Variants in MAP2K4 observed in about 807,000 individuals in gnomAD.
MAP2K4 encodes mitogen-activated protein kinase kinase 4.
A neutral mutation model predicts 48.5 loss-of-function variants in MAP2K4; 4 were observed. That is an observed-to-expected ratio of 0.08 (90% CI 0.04 to 0.19). The LOEUF (loss-of-function observed/expected upper bound fraction) is 0.19, where lower values mean the gene tolerates loss of function less well. Among genes scored for constraint, MAP2K4 ranks in the 10% least tolerant of loss-of-function variants. The pLI, the probability that MAP2K4 is intolerant of heterozygous loss-of-function variation, is 1.00. For missense variants in MAP2K4, 258 were observed against 493.3 expected (o/e 0.52, Z 4.52); for synonymous variants, 166 against 173.1 (o/e 0.96, Z 0.32).
chr17:12,032,273 G>A, intron 1 of MAP2K4: 1 of 1,418,556 alleles, frequency 7.0e-7, no homozygotes, highest in Non-Finnish European at 9.3e-7. Context: ...TAGGCTTTCA[G>A]ATAAACTTCT....
Position 12,063,562 on chromosome 17 carries a change from A to G in MAP2K4, c.218+8571A>G, listed in dbSNP as rs542382271. 2.6e-5 allele frequency among the ~76,000 whole-genome samples: 4 copies of G among 152,342 alleles called. No individual in the cohort carries two copies. The South Asian group carries it at 8.3e-4, about 32-fold the overall frequency. On this transcript the variant is annotated intron_variant, in intron 2 of 10. Transcript: ENST00000353533. Reference sequence around the variant, plus strand: ...TTCTAAAAGAAAACATCCAAAATATATTTGTTATCTGGCATAGGCAGAAAT... The same window carrying G: ...TTCTAAAAGAAAACATCCAAAATATGTTTGTTATCTGGCATAGGCAGAAAT...
intron 3 of MAP2K4, among the ~76,000 whole-genome samples, chr17:12,093,720 C>G (rs987539897): frequency 6.6e-6 from 1 of 151,968 alleles, no homozygotes; most frequent in Non-Finnish European, 1.5e-5. Context: ...AGAAATCTTC[C>G]CCAACCAAAG....
At chr17:12,038,694 A>G (rs1438483901) in intron 1 of MAP2K4, among the ~76,000 whole-genome samples, 2 of 152,154 alleles carry the variant, frequency 1.3e-5, no homozygotes, top group Non-Finnish European at 2.9e-5. Context: ...TAAGCACTTT[A>G]TATTAACTCC....
intron 4 of MAP2K4, among the ~76,000 whole-genome samples, chr17:12,106,769 G>A (rs1972128342): frequency 6.6e-6 from 1 of 151,942 alleles, no homozygotes; most frequent in African/African-American, 2.4e-5. Flanking sequence ...TGTGTATCCT[G>A]TACTTTTACA....
chr17:12,032,844 G>A (rs975319634), intron 1 of MAP2K4, among the ~76,000 whole-genome samples: 2 of 151,992 alleles, frequency 1.3e-5, no homozygotes, highest in African/African-American at 4.8e-5. Flanking sequence ...TATAAACCTT[G>A]TATTTTATTT....
intron 3 of MAP2K4, among the ~76,000 whole-genome samples, chr17:12,089,020 T>C (rs985390450): frequency 1.3e-5 from 2 of 151,426 alleles, no homozygotes; most frequent in Middle Eastern, 3.2e-3. Context: ...CACGCCATTC[T>C]CCTACCTCAG....
At chr17:12,140,742 A>G (rs1442496551) in intron 10 of MAP2K4, among the ~76,000 whole-genome samples, 5 of 152,244 alleles carry the variant, frequency 3.3e-5, no homozygotes, top group African/African-American at 1.2e-4. Flanking sequence ...ATGGAGGTTG[A>G]GATTTATATT....
At chr17:12,050,736 C>A (rs1970114624) in intron 1 of MAP2K4, among the ~76,000 whole-genome samples, 1 of 152,136 alleles carries the variant, frequency 6.6e-6, no homozygotes, top group Non-Finnish European at 1.5e-5. Flanking sequence ...ATTCAGGGCT[C>A]TTTATCATCT....
At chr17:12,072,087 A>G (rs1204770087) in intron 2 of MAP2K4, among the ~76,000 whole-genome samples, 14 of 152,230 alleles carry the variant, frequency 9.2e-5, no homozygotes, top group Admixed American at 9.2e-4. Flanking sequence ...TATTGCCTAT[A>G]TTCTCACCTG....
At position 12,100,563 on chromosome 17, in the gene MAP2K4, C is replaced by T. The variant is rs1176215202; in HGVS notation, c.513+4869C>T. On this transcript the variant is annotated intron_variant, in intron 4 of 10. Coordinates refer to ENST00000353533, the MANE Select transcript of MAP2K4 (RefSeq NM_003010.4). ...TGTTTGTACATAAGCTTTTATTTTC[C>T]TGGGGTAATTACATGGGGGTGGAAT... Among the ~76,000 whole-genome samples, 4 of 151,974 alleles carry T rather than the reference C, an allele frequency of 2.6e-5. No individual in the cohort carries two copies. In the East Asian group the frequency reaches 7.7e-4, roughly 29 times the overall value.
chr17:12,081,871 G>A lies in MAP2K4; in HGVS notation c.393+341G>A, dbSNP rs753992371. On this transcript the variant is annotated intron_variant, in intron 3 of 10. Transcript: ENST00000353533. This position sits in a 1 kb window ranked among gnomAD's most constrained non-coding sequence, Gnocchi z 4.2. ...GGCAGTGCTGCACTGAGCCAGGCGG[G>A]AGCTGGAAGAAGACGCAGCACACTG... 5.6e-6 allele frequency: 3 copies of A among 540,276 alleles called. No homozygotes were observed. The highest frequency in any genetic ancestry group is 1.1e-5 in the Non-Finnish European group (3 of 265,312). 33.5% of individuals were successfully genotyped at this position (540,276 alleles called of 1,614,324 possible).
At chr17:12,112,107 A>G (rs1972326285) in intron 6 of MAP2K4, among the ~76,000 whole-genome samples, 1 of 152,166 alleles carries the variant, frequency 6.6e-6, no homozygotes, top group African/African-American at 2.4e-5. Flanking sequence ...GCCAACAGCC[A>G]GGTTTTCGAG....
intron 7 of MAP2K4, among the ~76,000 whole-genome samples, chr17:12,114,140 A>G (rs574000916): frequency 1.3e-5 from 2 of 152,212 alleles, no homozygotes; most frequent in Non-Finnish European, 2.9e-5. Flanking sequence ...TTTAAACTAA[A>G]GATAAGCTTA....
chr17:12,031,090 A>G (rs1281009240), intron 1 of MAP2K4, among the ~76,000 whole-genome samples: 1 of 152,186 alleles, frequency 6.6e-6, no homozygotes, highest in Non-Finnish European at 1.5e-5. Flanking sequence ...AGTGGTAGAG[A>G]GACCAGGGTC....
chr17:12,069,850 G>C (rs1254021239), intron 2 of MAP2K4: 2 of 402,756 alleles, frequency 5.0e-6, no homozygotes, highest in African/African-American at 2.4e-5. Flanking sequence ...GATGTGCAGG[G>C]TATGTCTTAC....
At chr17:12,128,915 T>G (rs1230306265) in intron 8 of MAP2K4, among the ~76,000 whole-genome samples, 1 of 152,242 alleles carries the variant, frequency 6.6e-6, no homozygotes, top group Non-Finnish European at 1.5e-5. Flanking sequence ...GTATTCCAAG[T>G]CCTTGAATTT....
intron 2 of MAP2K4, among the ~76,000 whole-genome samples, chr17:12,063,971 A>AGGGGGCG (rs981129990): frequency 7.1e-5 from 2 of 28,056 alleles, no homozygotes; most frequent in Non-Finnish European, 1.6e-4. Context: ...AAATTCTGTC[A>AGGGGGCG]GGGGGCGGGG....
At chr17:12,120,835 C>T (rs1972664423) in intron 7 of MAP2K4, among the ~76,000 whole-genome samples, 1 of 152,176 alleles carries the variant, frequency 6.6e-6, no homozygotes, top group South Asian at 2.1e-4. Flanking sequence ...GCCTTTTAAT[C>T]AAAACACAGC....
intron 4 of MAP2K4, among the ~76,000 whole-genome samples, chr17:12,100,024 T>C (rs1488009987): frequency 1.3e-5 from 2 of 152,136 alleles, no homozygotes; most frequent in Non-Finnish European, 2.9e-5. Context: ...CTCTTCTCCT[T>C]TCCCTCTTCT....
Sources: gnomAD v4.1 joint callset for allele counts (sites outside exome capture counted in the v4.1 genomes callset) on GRCh38, gnomAD v4.1.1 for gene constraint, Gnocchi (gnomAD v3.1) non-coding constraint, MANE v1.5 for transcripts, NCBI Gene and HGNC (gene_info 2026-07-23, HGNC 2026-07-21) for gene names.